LARS2: variants seen among roughly 807,000 people sequenced by gnomAD.
LARS2 encodes the protein leucyl-tRNA synthetase 2, mitochondrial.
In LARS2, 81 loss-of-function variants were observed where a neutral mutation model predicts 116.6. The observed-to-expected ratio is 0.69, with a 90% CI of 0.58 to 0.84. The LOEUF (loss-of-function observed/expected upper bound fraction) is 0.84. Among genes scored for constraint, LARS2 ranks in the 40% least tolerant of loss-of-function variants. The pLI is 0.00. For synonymous variants in LARS2, 396 were observed against 407.2 expected (o/e 0.97, Z 0.33); for missense variants, 968 against 1,114.5 (o/e 0.87, Z 1.87).
chr3:45,513,068 C>A, intron 15 of LARS2, 67 bp from the exon 16 acceptor site: 1 of 1,065,756 alleles, frequency 9.4e-7, no homozygotes, highest in Non-Finnish European at 1.5e-6. Context: ...GGAAGGTCTG[C>A]GTTGCTGTTT....
chr3:45,489,504 C>T (rs997773280), intron 12 of LARS2, among the ~76,000 whole-genome samples: 107 of 142,490 alleles, frequency 7.5e-4, no homozygotes, highest in African/African-American at 2.6e-3. Context: ...ACACTTCTAA[C>T]GAGTTTCCAG....
intron 4 of LARS2, among the ~76,000 whole-genome samples, chr3:45,411,652 T>C (rs1698333826): frequency 1.3e-5 from 2 of 152,154 alleles, no homozygotes; most frequent in Admixed American, 1.3e-4. Context: ...AAATAATGTA[T>C]ATAATCATTT....
At position 45,547,618 on chromosome 3, in the gene LARS2, G is replaced by A. The variant is rs1700894810; in HGVS notation, c.*88G>A. 8.2e-7 allele frequency: 1 copy of A among 1,219,488 alleles called. No homozygotes were observed. Among genetic ancestry groups the A allele is most frequent in the Non-Finnish European group, 1.2e-6 (1 of 864,674 alleles). The allele number at this position is 1,219,488 out of a possible 1,614,324, so 75.5% of individuals were successfully genotyped here. On this transcript the variant is annotated 3_prime_UTR_variant, in exon 22 of 22. Coordinates refer to ENST00000645846, the MANE Select transcript of LARS2 (RefSeq NM_015340.4). ...GGGGGCGATGTCTGCTGGCCCAGGG[G>A]AAGGGAAAAGACAAATGTCTTGACT...
rs747041439 is a variant in LARS2 at position 45,474,303 on chromosome 3, C to T, written c.811C>T (p.His271Tyr). The T allele has an allele frequency of 2.5e-6, 4 of 1,612,004 alleles. No homozygotes were observed. Among genetic ancestry groups the T allele is most frequent in the Non-Finnish European group, 3.4e-6 (4 of 1,178,390 alleles). Residue 271 changes from histidine (H) to tyrosine (Y), a missense_variant, in exon 9 of 22, where the codon CAC (histidine) becomes TAC (tyrosine). His to Tyr is a moderately conservative substitution (Grantham distance 83, BLOSUM62 2). Coordinates refer to ENST00000645846, the MANE Select transcript of LARS2 (RefSeq NM_015340.4). ...GTATGGAATAAAAGGCATGCAAGCC[C>T]ACTGGATTGGGGACTGTGTGGGCTG... The part of the protein sequence containing the change: ...EWYGIKGMQA[H>Y]WIGDCVGCHL...
At chr3:45,421,332 A>T (rs1329500258) in intron 6 of LARS2, 1 of 152,222 alleles carries the variant, frequency 6.6e-6, no homozygotes, top group African/African-American at 2.4e-5. Flanking sequence ...ATTACCAAGT[A>T]ATATCCCAGA....
intron 21 of LARS2, among the ~76,000 whole-genome samples, chr3:45,546,215 G>A (rs1700874153): frequency 6.6e-6 from 1 of 152,328 alleles, no homozygotes; most frequent in South Asian, 2.1e-4. Context: ...GCTCTTGGGT[G>A]ACAGTTGGGA....
chr3:45,496,635 G>A (rs1371247225), intron 14 of LARS2, among the ~76,000 whole-genome samples: 1 of 152,204 alleles, frequency 6.6e-6, no homozygotes, highest in Non-Finnish European at 1.5e-5. Context: ...CCTCGACCTG[G>A]CCAGTGGGAA....
At position 45,517,695 on chromosome 3, in the gene LARS2, G is replaced by C. The variant is rs114899228; in HGVS notation, c.2045-208G>C. 0.022 allele frequency among the ~76,000 whole-genome samples: 3,364 copies of C among 152,286 alleles called. 90 individuals carry two copies. The highest frequency in any genetic ancestry group is 0.069 in the African/African-American group (2,877 of 41,544). On this transcript the variant is annotated intron_variant, in intron 17 of 21. Transcript: ENST00000645846. ...CTGCCATCCAGTGCTCTGAATCTGG[G>C]CACTAAAATGAGATAGAATTGGTCC...
chr3:45,525,907 G>A (rs577256406), intron 20 of LARS2, among the ~76,000 whole-genome samples: 51 of 152,272 alleles, frequency 3.3e-4, no homozygotes, highest in African/African-American at 1.1e-3. Flanking sequence ...TTAAATACTA[G>A]CTACCAGTCA....
intron 13 of LARS2, among the ~76,000 whole-genome samples, chr3:45,495,944 C>T (rs1700003925): frequency 6.6e-6 from 1 of 152,086 alleles, no homozygotes; most frequent in Admixed American, 6.5e-5. Flanking sequence ...ACTGCAACCT[C>T]CACCTCCCGG....
intron 4 of LARS2, among the ~76,000 whole-genome samples, chr3:45,411,794 T>C (rs1033621749): frequency 2.6e-5 from 4 of 152,198 alleles, no homozygotes; most frequent in Non-Finnish European, 4.4e-5. Context: ...GTGACCCAGA[T>C]ACTAAGCCTA....
At chr3:45,529,238 T>C (rs1333340783) in intron 20 of LARS2, among the ~76,000 whole-genome samples, 1 of 152,166 alleles carries the variant, frequency 6.6e-6, no homozygotes, top group African/African-American at 2.4e-5. Flanking sequence ...TCATTGAACA[T>C]TCAAACTGTT....
At chr3:45,428,293 G>T (rs1698632477) in intron 6 of LARS2, among the ~76,000 whole-genome samples, 1 of 134,176 alleles carries the variant, frequency 7.5e-6, no homozygotes, top group Non-Finnish European at 1.5e-5. Context: ...ACCCAGGCTG[G>T]AGTGCAGTGG....
chr3:45,511,337 C>G (rs1390420038), intron 15 of LARS2, among the ~76,000 whole-genome samples: 79 of 152,144 alleles, frequency 5.2e-4, no homozygotes, highest in Non-Finnish European at 1.3e-4. Context: ...AGAGCTCTCA[C>G]TAAGAAATGG....
At chr3:45,406,593 G>A (rs145643506) in intron 4 of LARS2, among the ~76,000 whole-genome samples, 295 of 152,264 alleles carry the variant, frequency 1.9e-3, no homozygotes, top group Non-Finnish European at 3.4e-3. Flanking sequence ...ATTAGGAAAC[G>A]GGGTTAGTCA....
intron 6 of LARS2, among the ~76,000 whole-genome samples, chr3:45,435,074 G>A (rs1399056446): frequency 6.6e-6 from 1 of 152,152 alleles, no homozygotes; most frequent in Non-Finnish European, 1.5e-5. Flanking sequence ...AGTTCTCTAG[G>A]TTTCCTGAAT....
At chr3:45,476,149 G>C (rs1301972875) in intron 9 of LARS2, among the ~76,000 whole-genome samples, 1 of 150,478 alleles carries the variant, frequency 6.6e-6, no homozygotes, top group Non-Finnish European at 1.5e-5. Flanking sequence ...AACACTAATA[G>C]TTATTTTTGA....
chr3:45,394,410 G>A (rs747550432), intron 2 of LARS2, 23 bp from the exon 3 acceptor site: 91 of 1,426,572 alleles, frequency 6.4e-5, no homozygotes, highest in Non-Finnish European at 7.8e-5. Flanking sequence ...AGCTCATAGT[G>A]TGCTTTCTGC....
At position 45,547,558 on chromosome 3, in the gene LARS2, G is replaced by T; in HGVS notation, c.*28G>T. 6.4e-7 allele frequency: 1 copy of T among 1,571,986 alleles called. No homozygotes were observed. Among genetic ancestry groups the T allele is most frequent in the Non-Finnish European group, 8.6e-7 (1 of 1,159,462 alleles). On this transcript the variant is annotated 3_prime_UTR_variant, in exon 22 of 22. Coordinates refer to ENST00000645846, the MANE Select transcript of LARS2 (RefSeq NM_015340.4). Reference sequence around the variant, plus strand: ...GCCAGGAGGCTGCAGCTACCACGAGGGCCTCTGAGGAACCTCCTTCCAGGC... The same window carrying T: ...GCCAGGAGGCTGCAGCTACCACGAGTGCCTCTGAGGAACCTCCTTCCAGGC...
Sources: gnomAD v4.1 joint callset for allele counts (sites outside exome capture counted in the v4.1 genomes callset) on GRCh38, gnomAD v4.1.1 for gene constraint, MANE v1.5 for transcripts, NCBI Gene and HGNC (gene_info 2026-07-23, HGNC 2026-07-21) for gene names.